DNM3: variants seen among roughly 807,000 people sequenced by gnomAD.
The protein encoded by DNM3 is dynamin 3.
DNM3 carries 47 observed loss-of-function variants against 101.6 expected under a neutral mutation model. That is an observed-to-expected ratio of 0.46 (90% CI 0.37 to 0.59). The LOEUF (loss-of-function observed/expected upper bound fraction) is 0.59. DNM3 is among the 20% of genes least tolerant of loss of function. DNM3 has a pLI of 0.00. For synonymous variants in DNM3, 385 were observed against 387.9 expected (o/e 0.99, Z 0.09); for missense variants, 849 against 1,085.7 (o/e 0.78, Z 3.06).
rs556546609 is a variant in DNM3, at chr1:172,092,336, T to C, written c.1494-488T>C. ...GTTTGTGATGCGGAGCCATGCTACT[T>C]GGTACTACCACTTATTAGCTGAGTG... On this transcript the variant is annotated intron_variant, in intron 12 of 20. Transcript: ENST00000627582. Among the ~76,000 whole-genome samples, 4 of 152,206 alleles carry C rather than the reference T, an allele frequency of 2.6e-5. No homozygotes were observed. In the South Asian group the frequency reaches 8.3e-4, roughly 32 times the overall value.
chr1:171,881,742 C>G (rs1378826468), intron 1 of DNM3, among the ~76,000 whole-genome samples: 1 of 128,932 alleles, frequency 7.8e-6, no homozygotes, highest in Non-Finnish European at 1.7e-5. Context: ...GCACCTTTGG[C>G]CTCCAGTGGG....
At chr1:172,195,878 T>A (rs1417345022) in intron 14 of DNM3, among the ~76,000 whole-genome samples, 1 of 151,814 alleles carries the variant, frequency 6.6e-6, no homozygotes, top group Non-Finnish European at 1.5e-5. Flanking sequence ...TTTTTTAGTT[T>A]TCCTTTTTTG....
chr1:171,904,270 T>A (rs2038626589), intron 1 of DNM3, among the ~76,000 whole-genome samples: 1 of 151,900 alleles, frequency 6.6e-6, no homozygotes, highest in Non-Finnish European at 1.5e-5. Context: ...ATTGTGCCAC[T>A]GCATTCCAGC....
chr1:172,111,747 GA>G, intron 13 of DNM3, among the ~76,000 whole-genome samples: 1 of 152,074 alleles, frequency 6.6e-6, no homozygotes, highest in East Asian at 1.9e-4. Context: ...ATAGAAGAAA[GA>G]GAGCCACATG....
intron 1 of DNM3, among the ~76,000 whole-genome samples, chr1:171,894,777 T>C (rs4916237): frequency 0.59 from 88,747 of 151,316 alleles, 26,174 homozygotes; most frequent in East Asian, 0.67. Context: ...TGATGTTCCC[T>C]GCCCTGTGTC....
At chr1:171,928,677 G>C (rs2040768846) in intron 2 of DNM3, among the ~76,000 whole-genome samples, 1 of 152,154 alleles carries the variant, frequency 6.6e-6, no homozygotes, top group African/African-American at 2.4e-5. Context: ...TAGTTCCACT[G>C]CAGAGGCAGT....
At chr1:171,994,336 C>T (rs911419383) in intron 4 of DNM3, among the ~76,000 whole-genome samples, 5 of 152,072 alleles carry the variant, frequency 3.3e-5, no homozygotes, top group African/African-American at 7.2e-5. Context: ...TATTCTTTGT[C>T]GTGTGTGGCC....
chr1:172,010,824 AT>A (rs2047077167), intron 4 of DNM3, among the ~76,000 whole-genome samples: 1 of 150,632 alleles, frequency 6.6e-6, no homozygotes, highest in Non-Finnish European at 1.5e-5. Flanking sequence ...GTTTTATTTT[AT>A]ATTTTTAAGA....
At chr1:172,245,532 T>C (rs755707876) in intron 14 of DNM3, among the ~76,000 whole-genome samples, 1 of 152,206 alleles carries the variant, frequency 6.6e-6, no homozygotes, top group Non-Finnish European at 1.5e-5. Flanking sequence ...CACCACAGGC[T>C]TGACTGAGAT....
chr1:172,061,894 C>T (rs1445785134), intron 10 of DNM3, among the ~76,000 whole-genome samples: 1 of 151,770 alleles, frequency 6.6e-6, no homozygotes, highest in Non-Finnish European at 1.5e-5. Context: ...TGCATTTCAC[C>T]CCCTCTAATG....
At chr1:171,846,047 A>G (rs115099784) in intron 1 of DNM3, among the ~76,000 whole-genome samples, 1 of 152,330 alleles carries the variant, frequency 6.6e-6, no homozygotes, top group African/African-American at 2.4e-5. Context: ...TATTATAGTT[A>G]TTAGATAAAT....
At chr1:172,398,138 A>G (rs755538567) in intron 20 of DNM3, among the ~76,000 whole-genome samples, 5 of 152,214 alleles carry the variant, frequency 3.3e-5, no homozygotes, top group Non-Finnish European at 5.9e-5. Context: ...TACTGAAGGT[A>G]GCACTGACCA....
chr1:172,323,618 G>T (rs2065822414), intron 17 of DNM3, among the ~76,000 whole-genome samples: 1 of 152,182 alleles, frequency 6.6e-6, no homozygotes, highest in Non-Finnish European at 1.5e-5. Flanking sequence ...CACACTAAAA[G>T]AAAAGATTTT....
intron 15 of DNM3, among the ~76,000 whole-genome samples, chr1:172,272,959 A>T (rs2063141684): frequency 6.6e-6 from 1 of 151,992 alleles, no homozygotes; most frequent in Non-Finnish European, 1.5e-5. Flanking sequence ...AACAAACAAT[A>T]TTGGGCTTAC....
chr1:172,022,948 C>T (rs552966122), intron 4 of DNM3, among the ~76,000 whole-genome samples: 2 of 152,020 alleles, frequency 1.3e-5, no homozygotes, highest in African/African-American at 4.8e-5. Flanking sequence ...CATAGCTGAG[C>T]TATGTGGTAA....
intron 7 of DNM3, among the ~76,000 whole-genome samples, chr1:172,039,608 T>A (rs1468949396): frequency 3.9e-5 from 6 of 152,158 alleles, no homozygotes; most frequent in Non-Finnish European, 8.8e-5. Context: ...CAACTAAAAC[T>A]ATTCTGCTTG....
intron 20 of DNM3, among the ~76,000 whole-genome samples, chr1:172,404,351 GA>G (rs34145178): frequency 0.41 from 62,783 of 151,694 alleles, 15,248 homozygotes; most frequent in East Asian, 0.63. Flanking sequence ...GATTTATTTG[GA>G]AAAAAATACA....
At chr1:172,396,056 T>G (rs1471374638) in intron 20 of DNM3, among the ~76,000 whole-genome samples, 1 of 152,258 alleles carries the variant, frequency 6.6e-6, no homozygotes, top group African/African-American at 2.4e-5. Context: ...TGGCACTTTT[T>G]GCCCTGTGAC....
intron 4 of DNM3, among the ~76,000 whole-genome samples, chr1:171,989,382 T>A (rs981239853): frequency 6.6e-6 from 1 of 151,964 alleles, no homozygotes; most frequent in Non-Finnish European, 1.5e-5. Context: ...AAAATCTATA[T>A]AAATCTAAGA....
Sources: allele counts gnomAD v4.1 joint callset (sites outside exome capture counted in the v4.1 genomes callset), GRCh38; gene constraint gnomAD v4.1.1; transcripts MANE v1.5; gene names NCBI Gene and HGNC (gene_info 2026-07-23, HGNC 2026-07-21).